Variants in NCAM2 observed in about 807,000 individuals in gnomAD.
NCAM2 encodes N-CAM-2.
NCAM2 carries 30 observed loss-of-function variants against 98.1 expected under a neutral mutation model. The observed-to-expected ratio is 0.31, with a 90% CI of 0.23 to 0.41. The LOEUF is 0.41. NCAM2 is among the 10% of genes least tolerant of loss of function. NCAM2 has a pLI of 1.00. For synonymous variants in NCAM2, 368 were observed against 342.4 expected (o/e 1.07, Z -0.83); for missense variants, 867 against 1,005.8 (o/e 0.86, Z 1.87).
Position 21,396,104 on chromosome 21 carries a change from A to T in NCAM2, c.1196-14170A>T, listed in dbSNP as rs562293616. Among the ~76,000 whole-genome samples the T allele has an allele frequency of 2.0e-5, 3 of 152,190 alleles. No homozygotes were observed. The South Asian group carries it at 6.2e-4, about 32-fold the overall frequency. On this transcript the variant is annotated intron_variant, in intron 9 of 17. Transcript: ENST00000400546. ...ACAGAGAGGAAGAGAATCTTCACAA[A>T]CTGTGCATCCGACAAAGGACTAATA...
At chr21:21,442,637 G>A (rs1296925616) in intron 12 of NCAM2, among the ~76,000 whole-genome samples, 1 of 152,106 alleles carries the variant, frequency 6.6e-6, no homozygotes, top group Non-Finnish European at 1.5e-5. Flanking sequence ...TCAGGATATT[G>A]TGAAGTCAAC....
intron 8 of NCAM2, among the ~76,000 whole-genome samples, chr21:21,373,568 A>G (rs2075967926): frequency 6.6e-6 from 1 of 151,794 alleles, no homozygotes; most frequent in Non-Finnish European, 1.5e-5. Context: ...ATACCACATG[A>G]GAGATCTTTA....
intron 1 of NCAM2, among the ~76,000 whole-genome samples, chr21:21,266,702 C>G (rs573882333): frequency 6.6e-6 from 1 of 151,784 alleles, no homozygotes; most frequent in Non-Finnish European, 1.5e-5. Context: ...AGGGGAACAT[C>G]ACACACCGGG....
chr21:21,011,426 T>C (rs1388364406), intron 1 of NCAM2, among the ~76,000 whole-genome samples: 1 of 151,994 alleles, frequency 6.6e-6, no homozygotes, highest in Non-Finnish European at 1.5e-5. Flanking sequence ...GTTTTTATCA[T>C]TTTTTTCTGG....
At chr21:21,516,183 G>A (rs943998417) in intron 16 of NCAM2, among the ~76,000 whole-genome samples, 4 of 152,082 alleles carry the variant, frequency 2.6e-5, no homozygotes, top group Non-Finnish European at 1.5e-5. Context: ...TTCGTGTCTG[G>A]CTTCTTACAG....
intron 16 of NCAM2, among the ~76,000 whole-genome samples, chr21:21,518,732 T>C (rs972849354): frequency 6.6e-6 from 1 of 152,056 alleles, no homozygotes; most frequent in Non-Finnish European, 1.5e-5. Context: ...GAGCAAATAT[T>C]TATGGAATAA....
chr21:21,468,864 G>A, intron 14 of NCAM2, 81 bp downstream of exon 14: 4 of 1,237,634 alleles, frequency 3.2e-6, no homozygotes, highest in Non-Finnish European at 4.5e-6. Flanking sequence ...AACATATCAG[G>A]AGAGAATGTG....
intron 11 of NCAM2, among the ~76,000 whole-genome samples, chr21:21,428,128 GA>G (rs1161308571): frequency 6.6e-6 from 1 of 152,184 alleles, no homozygotes; most frequent in African/African-American, 2.4e-5. Context: ...GAGGTGAAGA[GA>G]AAGGGTAATT....
chr21:21,386,480 G>A (rs1199146280), intron 9 of NCAM2, among the ~76,000 whole-genome samples: 1 of 152,112 alleles, frequency 6.6e-6, no homozygotes, highest in Non-Finnish European at 1.5e-5. Flanking sequence ...GTCCAGTATG[G>A]TAATTTCAAG....
chr21:21,354,537 A>G (rs543648566), intron 8 of NCAM2, among the ~76,000 whole-genome samples: 1 of 152,324 alleles, frequency 6.6e-6, no homozygotes, highest in South Asian at 2.1e-4. Flanking sequence ...GTTTTTCAAA[A>G]TATTACCTAA....
intron 16 of NCAM2, among the ~76,000 whole-genome samples, chr21:21,525,617 T>C (rs1170837061): frequency 6.6e-6 from 1 of 152,122 alleles, no homozygotes; most frequent in Non-Finnish European, 1.5e-5. Flanking sequence ...ATTATCTACA[T>C]GTTATTTCAA....
intron 1 of NCAM2, among the ~76,000 whole-genome samples, chr21:21,165,839 A>G (rs1451540794): frequency 6.6e-6 from 1 of 152,194 alleles, no homozygotes; most frequent in African/African-American, 2.4e-5. Context: ...GTTATAAGTC[A>G]TTACAATTCA....
chr21:21,471,407 C>T (rs548148161), intron 14 of NCAM2, among the ~76,000 whole-genome samples: 1 of 151,918 alleles, frequency 6.6e-6, no homozygotes, highest in Non-Finnish European at 1.5e-5. Flanking sequence ...TTATATGATT[C>T]CAAACTACTT....
chr21:21,323,289 A>T (rs926696040), intron 5 of NCAM2, among the ~76,000 whole-genome samples: 1 of 152,144 alleles, frequency 6.6e-6, no homozygotes, highest in South Asian at 2.1e-4. Flanking sequence ...TAGAGACAAC[A>T]TGTCAGATTA....
chr21:21,003,166 G>A (rs145262183), intron 1 of NCAM2, among the ~76,000 whole-genome samples: 429 of 152,098 alleles, frequency 2.8e-3, no homozygotes, highest in African/African-American at 9.8e-3. Flanking sequence ...GTGCCACTAA[G>A]GATCCATCAA....
At chr21:21,353,517 G>A (rs935644483) in intron 8 of NCAM2, among the ~76,000 whole-genome samples, 1 of 152,060 alleles carries the variant, frequency 6.6e-6, no homozygotes. Flanking sequence ...CCATACAGGC[G>A]AGTGCACATA....
intron 1 of NCAM2, among the ~76,000 whole-genome samples, chr21:21,168,626 G>A (rs1569101916): frequency 6.6e-6 from 1 of 152,130 alleles, no homozygotes; most frequent in Non-Finnish European, 1.5e-5. Flanking sequence ...TAAGGTTAAT[G>A]TGTGTCAATT....
intron 15 of NCAM2, among the ~76,000 whole-genome samples, chr21:21,498,236 G>A (rs1458215274): frequency 6.6e-6 from 1 of 152,018 alleles, no homozygotes; most frequent in Non-Finnish European, 1.5e-5. Flanking sequence ...ATTAAGTGCT[G>A]TATTCCTGAT....
chr21:21,448,822 C>T (rs1235761175), intron 12 of NCAM2, among the ~76,000 whole-genome samples: 3 of 151,948 alleles, frequency 2.0e-5, no homozygotes, highest in Non-Finnish European at 4.4e-5. Context: ...TCCATATTTT[C>T]AGTGAAAGAA....
Sources: allele counts gnomAD v4.1 joint callset (sites outside exome capture counted in the v4.1 genomes callset), GRCh38; gene constraint gnomAD v4.1.1; transcripts MANE v1.5; gene names NCBI Gene and HGNC (gene_info 2026-07-23, HGNC 2026-07-21).